Variants in TSPEAR observed in about 807,000 individuals in gnomAD.
TSPEAR encodes the protein thrombospondin type laminin G domain and EAR repeats.
TSPEAR carries 69 observed loss-of-function variants against 71.6 expected under a neutral mutation model. The ratio of observed to expected loss-of-function variants is 0.96; its 90% CI spans 0.79 to 1.18. TSPEAR has a LOEUF of 1.18. Ranked by LOEUF, TSPEAR falls within the 50% of genes most tolerant of loss-of-function variation. The probability of loss-of-function intolerance (pLI) is 0.00; values close to 1 mark genes in which losing one functional copy is unlikely to be tolerated. For missense variants in TSPEAR, 971 were observed against 894.9 expected (o/e 1.09, Z -1.09); for synonymous variants, 402 against 387.2 (o/e 1.04, Z -0.45).
rs1306469506 is a variant in TSPEAR, at chr21:44,695,215, G to A, written c.82+16218C>T. On this transcript the variant is annotated intron_variant, in intron 1 of 11. Coordinates refer to ENST00000323084, the MANE Select transcript of TSPEAR (RefSeq NM_144991.3). The surrounding 1 kb of genome is among the most constrained non-coding windows in gnomAD (Gnocchi z 4.5). ...CCACCCCAACTCCTGTGGCTTTGGGGCATTCACACTCTCCTGGTCCTGTCC... is the reference window on the plus strand; with the variant it reads ...CCACCCCAACTCCTGTGGCTTTGGGACATTCACACTCTCCTGGTCCTGTCC... 6.6e-6 allele frequency among the ~76,000 whole-genome samples: 1 copy of A among 152,160 alleles called. No individual in the cohort carries two copies. The highest frequency in any genetic ancestry group is 1.5e-5 in the Non-Finnish European group (1 of 68,026).
intron 1 of TSPEAR, among the ~76,000 whole-genome samples, chr21:44,643,003 G>A (rs781835205): frequency 6.6e-5 from 10 of 152,206 alleles, no homozygotes; most frequent in Non-Finnish European, 1.5e-4. Flanking sequence ...AGATACGGAA[G>A]CAACATAAGT....
At chr21:44,542,619 C>T (rs587718429) in intron 2 of TSPEAR, among the ~76,000 whole-genome samples, 7 of 151,400 alleles carry the variant, frequency 4.6e-5, no homozygotes, top group African/African-American at 1.7e-4. Context: ...TTTGGTGGTA[C>T]ATTTGTAGTC....
intron 2 of TSPEAR, chr21:44,539,776 A>G: frequency 2.5e-6 from 4 of 1,612,286 alleles, no homozygotes; most frequent in Middle Eastern, 1.7e-4. Flanking sequence ...GCTGGCAGCT[A>G]GACTGCTGGC....
At chr21:44,584,063 G>A (rs1979181370) in intron 1 of TSPEAR, among the ~76,000 whole-genome samples, 1 of 152,150 alleles carries the variant, frequency 6.6e-6, no homozygotes, top group Admixed American at 6.5e-5. Context: ...TCGCTGAAAG[G>A]ATATTTAAAG....
chr21:44,678,723 A>G (rs1443915621), intron 1 of TSPEAR, among the ~76,000 whole-genome samples: 1 of 152,226 alleles, frequency 6.6e-6, no homozygotes, highest in African/African-American at 2.4e-5. Context: ...ATATTTAGAA[A>G]AATCTAAAGA....
chr21:44,707,926 C>T (rs1339024499), intron 1 of TSPEAR, among the ~76,000 whole-genome samples: 2 of 151,872 alleles, frequency 1.3e-5, no homozygotes, highest in African/African-American at 4.8e-5. Context: ...CCCACCCTTC[C>T]CGGAGCCCTG....
chr21:44,592,493 T>G (rs1555927055), intron 1 of TSPEAR: 3 of 1,603,026 alleles, frequency 1.9e-6, no homozygotes, highest in Non-Finnish European at 2.6e-6. Context: ...ATGCTGGGGT[T>G]GAACTGGTGG....
At chr21:44,563,724 G>A (rs2053669099) in intron 2 of TSPEAR, among the ~76,000 whole-genome samples, 1 of 152,132 alleles carries the variant, frequency 6.6e-6, no homozygotes, top group African/African-American at 2.4e-5. Flanking sequence ...TACTGAATTA[G>A]GAAATAATAT....
chr21:44,505,582 C>CCCCCCG (rs2052177903), intron 10 of TSPEAR, among the ~76,000 whole-genome samples: 1 of 65,004 alleles, frequency 1.5e-5, no homozygotes, highest in African/African-American at 4.6e-5. Context: ...CCCCCCCCCC[C>CCCCCCG]CCCAGCCCCG....
intron 1 of TSPEAR, chr21:44,677,063 C>T (rs888488203): frequency 1.8e-5 from 13 of 742,462 alleles, no homozygotes; most frequent in Non-Finnish European, 2.5e-5. Context: ...CCCACCAGCT[C>T]ATGATACTGA....
At chr21:44,708,007 G>GCA (rs58196199) in intron 1 of TSPEAR, among the ~76,000 whole-genome samples, 2,858 of 122,330 alleles carry the variant, frequency 0.023, 70 homozygotes, top group African/African-American at 0.058. Context: ...CCCCGCGCGT[G>GCA]CACACACACA....
At chr21:44,500,071 A>C in intron 11 of TSPEAR, 135 bp from the exon 12 acceptor site, 1 of 891,232 alleles carries the variant, frequency 1.1e-6, no homozygotes, top group Non-Finnish European at 1.6e-6. Context: ...CCCGACTGGC[A>C]CAGCGTGGGG....
intron 1 of TSPEAR, chr21:44,575,189 G>A (rs781994020): frequency 1.5e-4 from 111 of 750,236 alleles, no homozygotes; most frequent in Non-Finnish European, 2.2e-4. Flanking sequence ...CTCTTGCGGG[G>A]GGAGGGGGGC....
At chr21:44,548,466 G>A (rs1396423167) in intron 2 of TSPEAR, among the ~76,000 whole-genome samples, 2 of 152,174 alleles carry the variant, frequency 1.3e-5, no homozygotes, top group African/African-American at 2.4e-5. Flanking sequence ...GACGGCAGGT[G>A]GGGATGGGAA....
intron 2 of TSPEAR, among the ~76,000 whole-genome samples, chr21:44,555,333 G>A (rs1162943555): frequency 6.6e-6 from 1 of 152,190 alleles, no homozygotes; most frequent in Non-Finnish European, 1.5e-5. Context: ...TCCCAGGTCC[G>A]ACGGCTGCCG....
At chr21:44,529,631 G>T (rs1272759486) in intron 5 of TSPEAR, among the ~76,000 whole-genome samples, 167 bp downstream of exon 5, 1 of 152,102 alleles carries the variant, frequency 6.6e-6, no homozygotes, top group East Asian at 1.9e-4. Context: ...CCTAGGGGTG[G>T]GCCCCGAGTA....
rs587605320 is a variant in TSPEAR at position 44,519,089 on chromosome 21, C to T, written c.1566+2794G>A. On this transcript the variant is annotated intron_variant, in intron 9 of 11. Transcript: ENST00000323084. Reference sequence around the variant, plus strand: ...TGTCGCCCAGGCTGGAGTGCAGTGGCGTGATCTCGGCTCACTGCAAGCTCC... The same window carrying T: ...TGTCGCCCAGGCTGGAGTGCAGTGGTGTGATCTCGGCTCACTGCAAGCTCC... 7.1e-4 allele frequency: 113 copies of T among 159,598 alleles called. 1 individual carries two copies. Among genetic ancestry groups the T allele is most frequent in the Middle Eastern group, 6.1e-3 (2 of 326 alleles). 9.9% of individuals were successfully genotyped at this position (159,598 alleles called of 1,614,324 possible). A position where few individuals can be genotyped will look rare whatever the true frequency, so the allele number is the denominator to read the frequency against.
rs1555953570 is a variant in TSPEAR at position 44,711,368 on chromosome 21, A to G, written c.82+65T>C. On this transcript the variant is annotated intron_variant, in intron 1 of 11. Transcript: ENST00000323084. This position sits in a 1 kb window ranked among gnomAD's most constrained non-coding sequence, Gnocchi z 4.5. ...TCAGTGTTAGAAAGTGGCATTTGTGACTCGACACCCCTCCCAGCTCCCCGG... is the reference window on the plus strand; with the variant it reads ...TCAGTGTTAGAAAGTGGCATTTGTGGCTCGACACCCCTCCCAGCTCCCCGG... The G allele has an allele frequency of 2.8e-6, 4 of 1,444,412 alleles. No individual in the cohort carries two copies. Among genetic ancestry groups the G allele is most frequent in the Non-Finnish European group, 3.8e-6 (4 of 1,058,254 alleles). The allele number at this position is 1,444,412 out of a possible 1,614,324, so 89.5% of individuals were successfully genotyped here.
chr21:44,573,578 T>C (rs935190271), intron 1 of TSPEAR: 32 of 1,091,880 alleles, frequency 2.9e-5, no homozygotes, highest in African/African-American at 4.8e-5. Flanking sequence ...CAGCTACTGT[T>C]TATTCTCCTG....
Sources: gnomAD v4.1 joint callset for allele counts (sites outside exome capture counted in the v4.1 genomes callset) on GRCh38, gnomAD v4.1.1 for gene constraint, Gnocchi (gnomAD v3.1) non-coding constraint, MANE v1.5 for transcripts, NCBI Gene and HGNC (gene_info 2026-07-23, HGNC 2026-07-21) for gene names.